Variants in CDH12 observed in about 807,000 individuals in gnomAD.
CDH12 encodes the protein cadherin-12.
CDH12 carries 41 observed loss-of-function variants against 74.1 expected under a neutral mutation model. The observed-to-expected ratio is 0.55, with a 90% CI of 0.43 to 0.72. The LOEUF is 0.72. CDH12 is among the 30% of genes least tolerant of loss of function. The probability of loss-of-function intolerance (pLI) is 0.00; values close to 1 mark genes in which losing one functional copy is unlikely to be tolerated. For missense variants in CDH12, 945 were observed against 977.2 expected, an observed-to-expected ratio of 0.97 and a Z score of 0.44; for synonymous variants, 399 against 355.0, an observed-to-expected ratio of 1.12 and a Z score of -1.39.
intron 6 of CDH12, among the ~76,000 whole-genome samples, chr5:21,965,714 G>T (rs185234803): frequency 5.9e-5 from 9 of 151,692 alleles, no homozygotes; most frequent in Admixed American, 5.9e-4. Context: ...TAGTTACTTG[G>T]TGATAATTAT....
At chr5:22,744,157 C>T (rs909337452) in intron 1 of CDH12, among the ~76,000 whole-genome samples, 3 of 152,164 alleles carry the variant, frequency 2.0e-5, no homozygotes, top group Admixed American at 6.5e-5. Context: ...AGGCCAGGCG[C>T]GGTGGCTCAC....
chr5:22,616,717 G>A (rs1262454730), intron 1 of CDH12, among the ~76,000 whole-genome samples: 1 of 151,984 alleles, frequency 6.6e-6, no homozygotes, highest in African/African-American at 2.4e-5. Context: ...GGGGATGGAT[G>A]GTGAGTGCTA....
chr5:21,942,135 T>C (rs921640355), intron 6 of CDH12, among the ~76,000 whole-genome samples: 2 of 151,784 alleles, frequency 1.3e-5, no homozygotes, highest in Non-Finnish European at 2.9e-5. Context: ...AAAGCAGAGG[T>C]TGGAGTGACA....
intron 1 of CDH12, among the ~76,000 whole-genome samples, chr5:22,781,102 G>GT (rs1445835835): frequency 6.6e-6 from 1 of 152,148 alleles, no homozygotes; most frequent in Non-Finnish European, 1.5e-5. Context: ...AAATCCTTGA[G>GT]TTGTTACATT....
intron 5 of CDH12, among the ~76,000 whole-genome samples, chr5:22,062,387 G>T (rs1405410085): frequency 6.6e-6 from 1 of 152,072 alleles, no homozygotes; most frequent in Non-Finnish European, 1.5e-5. Flanking sequence ...TAAATGTATT[G>T]CTGTCTAATC....
In CDH12 at chr5:22,095,456, T is replaced by C. The variant is rs376387198; in HGVS notation, c.-186-16594A>G. Among the ~76,000 whole-genome samples the C allele has an allele frequency of 1.3e-4, 20 of 152,182 alleles. No individual in the cohort carries two copies. The East Asian group carries it at 3.3e-3, about 25-fold the overall frequency. ...GGACGCCTCTCTGATTATTCACCCA[T>C]GTTTCAGAGGTGTCTGACCATGCGA... On this transcript the variant is annotated intron_variant, in intron 4 of 14. Coordinates refer to ENST00000382254, the MANE Select transcript of CDH12 (RefSeq NM_004061.5).
At chr5:22,851,850 G>A (rs755140813) in intron 1 of CDH12, among the ~76,000 whole-genome samples, 13 of 152,134 alleles carry the variant, frequency 8.5e-5, no homozygotes, top group Non-Finnish European at 1.5e-4. Flanking sequence ...ATTTTAAATT[G>A]TCTAGGATAA....
At chr5:22,473,040 T>C (rs1055141910) in intron 2 of CDH12, among the ~76,000 whole-genome samples, 1 of 152,128 alleles carries the variant, frequency 6.6e-6, no homozygotes, top group Non-Finnish European at 1.5e-5. Flanking sequence ...TGAAATTTTT[T>C]CCTTCCTTCT....
chr5:22,752,014 G>A (rs1309573352), intron 1 of CDH12, among the ~76,000 whole-genome samples: 1 of 152,058 alleles, frequency 6.6e-6, no homozygotes, highest in Admixed American at 6.5e-5. Flanking sequence ...CACAGATGCC[G>A]TATAGTTTAA....
intron 4 of CDH12, among the ~76,000 whole-genome samples, chr5:22,121,104 A>C (rs762898960): frequency 6.6e-6 from 1 of 152,130 alleles, no homozygotes; most frequent in African/African-American, 2.4e-5. Context: ...ATTCAGACTT[A>C]TATCTATATT....
intron 3 of CDH12, among the ~76,000 whole-genome samples, chr5:22,254,889 A>G (rs1753260463): frequency 6.6e-6 from 1 of 151,870 alleles, no homozygotes; most frequent in African/African-American, 2.4e-5. Context: ...TTGTGTTAGG[A>G]ACATTCCCAT....
At chr5:21,780,889 A>G (rs1347170918) in intron 11 of CDH12, among the ~76,000 whole-genome samples, 1 of 152,224 alleles carries the variant, frequency 6.6e-6, no homozygotes, top group Non-Finnish European at 1.5e-5. Flanking sequence ...GAATGAGGAA[A>G]ACATATGTAA....
intron 6 of CDH12, among the ~76,000 whole-genome samples, chr5:21,902,204 T>C (rs1191422398): frequency 6.6e-6 from 1 of 151,808 alleles, no homozygotes; most frequent in East Asian, 1.9e-4. Context: ...CAAAGGTAAA[T>C]TGTTACTAGT....
At chr5:22,299,259 GGA>G (rs149455206) in intron 3 of CDH12, among the ~76,000 whole-genome samples, 1 of 152,008 alleles carries the variant, frequency 6.6e-6, no homozygotes, top group African/African-American at 2.4e-5. Flanking sequence ...GGGTGGGGTT[GGA>G]GAGAGAGAGA....
intron 6 of CDH12, among the ~76,000 whole-genome samples, chr5:21,968,697 G>T (rs999180000): frequency 5.9e-5 from 9 of 152,060 alleles, no homozygotes; most frequent in African/African-American, 2.2e-4. Flanking sequence ...TTTTGCCACT[G>T]TATTTTTGGT....
At chr5:21,993,355 T>G (rs988234754) in intron 5 of CDH12, among the ~76,000 whole-genome samples, 1 of 152,172 alleles carries the variant, frequency 6.6e-6, no homozygotes, top group Non-Finnish European at 1.5e-5. Context: ...ATTTTATTAC[T>G]ATGCTTATGC....
rs557882081 is a variant in CDH12 at position 22,281,291 on chromosome 5, A to G, written c.-332-68648T>C. On this transcript the variant is annotated intron_variant, in intron 3 of 14. Transcript: ENST00000382254. ...TCATACTGAATGGGCAACACCTGGA[A>G]GAATTCTCTTTGAAAACCGGCACAG... Among the ~76,000 whole-genome samples the G allele has an allele frequency of 5.9e-5, 9 of 152,326 alleles. No individual in the cohort carries two copies. In the South Asian group the frequency reaches 6.2e-4, roughly 11 times the overall value.
At chr5:22,124,051 T>C (rs1036643940) in intron 4 of CDH12, among the ~76,000 whole-genome samples, 3 of 152,018 alleles carry the variant, frequency 2.0e-5, no homozygotes, top group African/African-American at 7.2e-5. Context: ...CACTGCAACC[T>C]CAGCCTCCCA....
chr5:22,634,272 A>G (rs1429819550), intron 1 of CDH12, among the ~76,000 whole-genome samples: 1 of 152,152 alleles, frequency 6.6e-6, no homozygotes, highest in Non-Finnish European at 1.5e-5. Flanking sequence ...ACTTCCAACC[A>G]AAAGCAGAGA....
Sources: allele counts gnomAD v4.1 joint callset (sites outside exome capture counted in the v4.1 genomes callset), GRCh38; gene constraint gnomAD v4.1.1; transcripts MANE v1.5; gene names NCBI Gene and HGNC (gene_info 2026-07-23, HGNC 2026-07-21).